The following LRRC7 variants were observed in gnomAD, a reference collection of about 807,000 sequenced individuals.
LRRC7 encodes the protein leucine rich repeat containing 7.
LRRC7 carries 23 observed loss-of-function variants against 175.7 expected under a neutral mutation model. The ratio of observed to expected loss-of-function variants is 0.13; its 90% CI spans 0.09 to 0.19. The LOEUF (loss-of-function observed/expected upper bound fraction) is 0.19. Among genes scored for constraint, LRRC7 ranks in the 10% least tolerant of loss-of-function variants. The pLI, the probability that LRRC7 is intolerant of heterozygous loss-of-function variation, is 1.00. For synonymous variants in LRRC7, 685 were observed against 680.9 expected (o/e 1.01, Z -0.09); for missense variants, 1,354 against 1,904.7 (o/e 0.71, Z 5.38).
intron 22 of LRRC7, among the ~76,000 whole-genome samples, chr1:70,044,745 T>A (rs1436374231): frequency 6.6e-6 from 1 of 152,158 alleles, no homozygotes; most frequent in East Asian, 1.9e-4. Context: ...TTTCCATTGT[T>A]AAAGGAAAAT....
At chr1:69,901,631 G>T (rs1412087832) in intron 7 of LRRC7, among the ~76,000 whole-genome samples, 1 of 152,070 alleles carries the variant, frequency 6.6e-6, no homozygotes, top group African/African-American at 2.4e-5. Context: ...AGAGCAAATT[G>T]CTCTTGAGAA....
intron 11 of LRRC7, among the ~76,000 whole-genome samples, chr1:70,008,234 C>T (rs1656167543): frequency 6.6e-6 from 1 of 152,148 alleles, no homozygotes; most frequent in Non-Finnish European, 1.5e-5. Flanking sequence ...TTTCTGCCTG[C>T]TTTACATTCA....
At chr1:70,011,771 TCTAA>T in intron 11 of LRRC7, 22 bp from the exon 12 acceptor site, 1 of 1,495,480 alleles carries the variant, frequency 6.7e-7, no homozygotes, top group East Asian at 2.3e-5. Context: ...TTTTAAAATG[TCTAA>T]CTAATGTATT....
chr1:69,935,203 C>A (rs1390789345), intron 8 of LRRC7, among the ~76,000 whole-genome samples: 1 of 152,058 alleles, frequency 6.6e-6, no homozygotes, highest in African/African-American at 2.4e-5. Context: ...GTGAAATTCC[C>A]TTGTCTTTGC....
intron 2 of LRRC7, among the ~76,000 whole-genome samples, chr1:69,684,173 T>G (rs1184258364): frequency 6.6e-6 from 1 of 152,232 alleles, no homozygotes; most frequent in Non-Finnish European, 1.5e-5. Context: ...TTTAGAATTA[T>G]ACTATCAACT....
At chr1:69,882,721 G>A (rs1290389378) in intron 7 of LRRC7, among the ~76,000 whole-genome samples, 4 of 149,226 alleles carry the variant, frequency 2.7e-5, no homozygotes, top group African/African-American at 7.4e-5. Flanking sequence ...CCACTAACCC[G>A]TCATCTAGCA....
chr1:70,043,609 G>T (rs1306589942), intron 21 of LRRC7, among the ~76,000 whole-genome samples: 2 of 152,164 alleles, frequency 1.3e-5, no homozygotes, highest in African/African-American at 4.8e-5. Flanking sequence ...CTCACTGTTC[G>T]AATTTTTAAA....
chr1:69,897,422 C>T (rs1646010552), intron 7 of LRRC7, among the ~76,000 whole-genome samples: 1 of 151,966 alleles, frequency 6.6e-6, no homozygotes, highest in South Asian at 2.1e-4. Flanking sequence ...ATTTTTTTCA[C>T]AGCACTTACC....
At chr1:69,781,629 C>T (rs1371389625) in intron 3 of LRRC7, among the ~76,000 whole-genome samples, 2 of 147,280 alleles carry the variant, frequency 1.4e-5, no homozygotes, top group South Asian at 2.1e-4. Flanking sequence ...TTGCAGTGAG[C>T]TGAGATCATG....
At chr1:69,646,066 G>C (rs1654964167) in intron 1 of LRRC7, among the ~76,000 whole-genome samples, 1 of 151,986 alleles carries the variant, frequency 6.6e-6, no homozygotes, top group African/African-American at 2.4e-5. Context: ...TGATTAAAAA[G>C]ATGTACATAA....
At chr1:69,723,135 G>T (rs1278676180) in intron 2 of LRRC7, among the ~76,000 whole-genome samples, 1 of 152,010 alleles carries the variant, frequency 6.6e-6, no homozygotes, top group Non-Finnish European at 1.5e-5. Context: ...TCTCGAAGCA[G>T]TTAGGTAATT....
At chr1:69,645,386 C>G (rs1443791621) in intron 1 of LRRC7, among the ~76,000 whole-genome samples, 1 of 151,986 alleles carries the variant, frequency 6.6e-6, no homozygotes, top group Non-Finnish European at 1.5e-5. Context: ...GAGGCTCAGG[C>G]CTTCAGTTCT....
At chr1:69,574,296 T>G (rs1234255489) in intron 1 of LRRC7, among the ~76,000 whole-genome samples, 1 of 152,042 alleles carries the variant, frequency 6.6e-6, no homozygotes, top group Non-Finnish European at 1.5e-5. Context: ...GAAATGGTAT[T>G]GTGAAAAGCA....
intron 2 of LRRC7, among the ~76,000 whole-genome samples, chr1:69,692,689 T>C (rs753932922): frequency 2.6e-5 from 4 of 152,206 alleles, no homozygotes; most frequent in Non-Finnish European, 5.9e-5. Flanking sequence ...TCAACAAATA[T>C]TGACTTAATG....
chr1:69,581,725 A>T (rs1463707088), intron 1 of LRRC7, among the ~76,000 whole-genome samples: 1 of 152,140 alleles, frequency 6.6e-6, no homozygotes, highest in African/African-American at 2.4e-5. Context: ...ATATATGAAA[A>T]TTGGGTATGC....
At chr1:70,088,031 A>T (rs146370932) in intron 24 of LRRC7, among the ~76,000 whole-genome samples, 553 of 152,282 alleles carry the variant, frequency 3.6e-3, no homozygotes, top group Middle Eastern at 0.034. Flanking sequence ...GGGCATTTAC[A>T]TTTGCCATAA....
rs112879816 is a variant in LRRC7, at chr1:70,020,467, T to C, written c.1421-538T>C. On this transcript the variant is annotated intron_variant, in intron 15 of 26. Coordinates refer to ENST00000651989, the MANE Select transcript of LRRC7 (RefSeq NM_001370785.2). ...AAAAGGAAAAGGTTGCAATCTTAGA[T>C]ACCTTATTGCAAAGTCAATGTTATG... 5.7e-4 allele frequency among the ~76,000 whole-genome samples: 86 copies of C among 152,180 alleles called. 1 individual carries two copies. Among genetic ancestry groups the C allele is most frequent in the African/African-American group, 2.0e-3 (84 of 41,578 alleles).
intron 8 of LRRC7, among the ~76,000 whole-genome samples, chr1:69,947,767 C>A (rs1474484334): frequency 6.6e-6 from 1 of 151,946 alleles, no homozygotes; most frequent in African/African-American, 2.4e-5. Context: ...AGTACCAAAC[C>A]TATATATACT....
rs1672330176 is a variant in LRRC7, at chr1:69,772,285, A to T, written c.303+11892A>T. Among the ~76,000 whole-genome samples, 5 of 152,280 alleles carry T rather than the reference A, an allele frequency of 3.3e-5. No individual in the cohort carries two copies. The South Asian group carries it at 1.0e-3, about 32-fold the overall frequency. The stretch of plus-strand genomic sequence containing the variant: ...GGTCAACCATGCAAGATCATGCAAG[A>T]TCAGAGAAAGAACCTTCTAGGCAAA... On this transcript the variant is annotated intron_variant, in intron 3 of 26. Coordinates refer to ENST00000651989, the MANE Select transcript of LRRC7 (RefSeq NM_001370785.2).
Sources: gnomAD v4.1 joint callset for allele counts (sites outside exome capture counted in the v4.1 genomes callset) on GRCh38, gnomAD v4.1.1 for gene constraint, MANE v1.5 for transcripts, NCBI Gene and HGNC (gene_info 2026-07-23, HGNC 2026-07-21) for gene names.